DCLK2: variants seen among roughly 807,000 people sequenced by gnomAD.
The protein encoded by DCLK2 is doublecortin like kinase 2, also known as serine/threonine-protein kinase DCLK2.
A neutral mutation model predicts 78.4 loss-of-function variants in DCLK2; 31 were observed. The ratio of observed to expected loss-of-function variants is 0.40; its 90% CI spans 0.30 to 0.53. The LOEUF (loss-of-function observed/expected upper bound fraction) is 0.53, where lower values mean the gene tolerates loss of function less well. Ranked by LOEUF, DCLK2 falls within the 20% of genes least tolerant of loss-of-function variation. The pLI is 0.61. For missense variants in DCLK2, 872 were observed against 973.7 expected, an observed-to-expected ratio of 0.90 and a Z score of 1.39; for synonymous variants, 407 against 374.9, an observed-to-expected ratio of 1.09 and a Z score of -0.99.
chr4:150,146,032 T>C (rs962438304), intron 2 of DCLK2, among the ~76,000 whole-genome samples: 1 of 152,184 alleles, frequency 6.6e-6, no homozygotes, highest in Admixed American at 6.6e-5. Context: ...CAAAACAATT[T>C]CCTGCCTCCT....
At chr4:150,147,549 A>G (rs1029578676) in intron 2 of DCLK2, among the ~76,000 whole-genome samples, 3 of 152,234 alleles carry the variant, frequency 2.0e-5, no homozygotes, top group African/African-American at 7.2e-5. Flanking sequence ...TGTCCCATGT[A>G]CCTGGTGCTT....
intron 2 of DCLK2, among the ~76,000 whole-genome samples, chr4:150,120,196 G>C (rs1225528287): frequency 3.3e-5 from 5 of 152,160 alleles, no homozygotes; most frequent in Non-Finnish European, 7.4e-5. Flanking sequence ...AAAATATTTA[G>C]TCCAGCTTTC....
chr4:150,198,022 T>C lies in DCLK2; in HGVS notation c.880T>C (p.Ser294Pro). The change falls in exon 4 of 16, where the codon TCT becomes CCT. Residue 294 changes from serine to proline, a missense_variant. Ser to Pro is a moderately conservative substitution (Grantham distance 74). Coordinates refer to ENST00000296550, the MANE Select transcript of DCLK2 (RefSeq NM_001040260.4). ...TCTAGAATGTCGTGTCCTGAAGTCA[T>C]CTTATTCTCGATCCTCAGCTGTTAA... ...DHSECRVLKS[S>P]YSRSSAVKYS... 3 of 1,613,648 alleles carry C rather than the reference T, an allele frequency of 1.9e-6. No homozygotes were observed. In the South Asian group the frequency reaches 3.3e-5, roughly 18 times the overall value.
chr4:150,091,769 A>ATGTG (rs57146406), intron 1 of DCLK2, among the ~76,000 whole-genome samples: 3,096 of 117,026 alleles, frequency 0.026, 48 homozygotes, highest in African/African-American at 0.038. Flanking sequence ...AGGAACATTT[A>ATGTG]TGTGTGTGTG....
chr4:150,198,157 C>G, intron 4 of DCLK2, 54 bp downstream of exon 4: 1 of 1,479,104 alleles, frequency 6.8e-7, no homozygotes, highest in South Asian at 1.2e-5. Flanking sequence ...CATTTTCCTT[C>G]TGTTTTCTCT....
chr4:150,220,915 C>T, intron 6 of DCLK2, 137 bp downstream of exon 6: 1 of 624,716 alleles, frequency 1.6e-6, no homozygotes, highest in Non-Finnish European at 2.7e-6. Flanking sequence ...CCCCTTTGGC[C>T]TTAGTAAGAG....
At chr4:150,164,738 G>C (rs1338496513) in intron 2 of DCLK2, among the ~76,000 whole-genome samples, 1 of 152,186 alleles carries the variant, frequency 6.6e-6, no homozygotes, top group Non-Finnish European at 1.5e-5. Context: ...GGTGGAGGTT[G>C]CAGTGAGCTG....
chr4:150,253,838 TG>T (rs1333473697), intron 15 of DCLK2: 19 of 985,356 alleles, frequency 1.9e-5, no homozygotes, highest in Non-Finnish European at 2.0e-5. Context: ...CCCACTTAGG[TG>T]AAAAGTGGCT....
intron 12 of DCLK2, among the ~76,000 whole-genome samples, chr4:150,244,972 AAAT>A (rs1405673674): frequency 2.0e-5 from 3 of 151,082 alleles, no homozygotes; most frequent in African/African-American, 7.3e-5. Context: ...ATTCCAGAAA[AAAT>A]AAGGGGGAGT....
intron 2 of DCLK2, among the ~76,000 whole-genome samples, chr4:150,117,706 C>T (rs1477056238): frequency 6.6e-6 from 1 of 152,178 alleles, no homozygotes; most frequent in African/African-American, 2.4e-5. Flanking sequence ...TTCCCCACTG[C>T]TCACTAAACC....
intron 2 of DCLK2, among the ~76,000 whole-genome samples, chr4:150,143,813 A>G (rs1734267889): frequency 6.6e-6 from 1 of 151,460 alleles, no homozygotes; most frequent in African/African-American, 2.4e-5. Context: ...TATATTGAGC[A>G]TTTTTCATGT....
At chr4:150,144,553 A>G (rs1016881953) in intron 2 of DCLK2, among the ~76,000 whole-genome samples, 1 of 151,996 alleles carries the variant, frequency 6.6e-6, no homozygotes, top group Non-Finnish European at 1.5e-5. Flanking sequence ...GATTGCTTTG[A>G]CTGATTGGGG....
intron 2 of DCLK2, among the ~76,000 whole-genome samples, chr4:150,192,375 G>A (rs185303583): frequency 4.0e-5 from 6 of 151,606 alleles, no homozygotes; most frequent in African/African-American, 1.2e-4. Flanking sequence ...AGCTACTTGG[G>A]AGGCTGAGAC....
chr4:150,109,178 A>G (rs1462375895), intron 2 of DCLK2, among the ~76,000 whole-genome samples: 1 of 152,186 alleles, frequency 6.6e-6, no homozygotes, highest in East Asian at 1.9e-4. Context: ...AGATAAAGCA[A>G]TCTCTTTTCA....
At chr4:150,213,659 A>G (rs1740476688) in intron 5 of DCLK2, among the ~76,000 whole-genome samples, 1 of 152,210 alleles carries the variant, frequency 6.6e-6, no homozygotes, top group South Asian at 2.1e-4. Context: ...GAAAAAATTT[A>G]TCTTAAATTC....
chr4:150,221,320 T>G (rs1272027223), intron 6 of DCLK2, among the ~76,000 whole-genome samples: 1 of 151,644 alleles, frequency 6.6e-6, no homozygotes, highest in East Asian at 1.9e-4. Context: ...TTTCTTTGTT[T>G]TTTTTTTTTT....
chr4:150,082,351 A>G (rs1025229397), intron 1 of DCLK2, among the ~76,000 whole-genome samples: 11 of 152,348 alleles, frequency 7.2e-5, no homozygotes, highest in Non-Finnish European at 1.3e-4. Flanking sequence ...TTGAGTGAAG[A>G]ATAGAAAGTG....
intron 2 of DCLK2, among the ~76,000 whole-genome samples, chr4:150,190,602 G>T (rs888542382): frequency 3.3e-5 from 5 of 152,168 alleles, no homozygotes; most frequent in African/African-American, 1.2e-4. Flanking sequence ...TGGCAAATCT[G>T]CAGAGCTAGA....
intron 4 of DCLK2, among the ~76,000 whole-genome samples, chr4:150,200,060 G>A (rs1384147382): frequency 1.3e-5 from 2 of 152,096 alleles, no homozygotes; most frequent in Non-Finnish European, 2.9e-5. Context: ...TTCAAGAATC[G>A]GGTGTGATTA....
Sources: gnomAD v4.1 joint callset for allele counts (sites outside exome capture counted in the v4.1 genomes callset) on GRCh38, gnomAD v4.1.1 for gene constraint, MANE v1.5 for transcripts, NCBI Gene and HGNC (gene_info 2026-07-23, HGNC 2026-07-21) for gene names.